Variants in TEC observed in about 807,000 individuals in gnomAD.
TEC encodes tyrosine-protein kinase Tec.
A neutral mutation model predicts 93.0 loss-of-function variants in TEC; 72 were observed. The ratio of observed to expected loss-of-function variants is 0.77; its 90% CI spans 0.64 to 0.94. TEC has a LOEUF of 0.94. Among genes scored for constraint, TEC ranks in the 40% least tolerant of loss-of-function variants. The pLI, the probability that TEC is intolerant of heterozygous loss-of-function variation, is 0.00. For synonymous variants in TEC, 249 were observed against 247.7 expected, an observed-to-expected ratio of 1.01 and a Z score of -0.05; for missense variants, 630 against 757.9, an observed-to-expected ratio of 0.83 and a Z score of 1.98.
At chr4:48,230,099 T>TAATAATA (rs1723603294) in intron 1 of TEC, among the ~76,000 whole-genome samples, 1 of 137,836 alleles carries the variant, frequency 7.3e-6, no homozygotes, top group African/African-American at 2.8e-5. Flanking sequence ...ATAATAATAA[T>TAATAATA]AATAAATAAA....
intron 1 of TEC, among the ~76,000 whole-genome samples, chr4:48,266,422 A>G (rs1215588594): frequency 6.6e-6 from 1 of 152,226 alleles, no homozygotes; most frequent in African/African-American, 2.4e-5. Flanking sequence ...TTCTTGAGGA[A>G]AACGAAATTG....
chr4:48,185,249 A>C (rs1369502320), intron 2 of TEC, among the ~76,000 whole-genome samples: 1 of 152,228 alleles, frequency 6.6e-6, no homozygotes, highest in Admixed American at 6.5e-5. Context: ...TGACCCTAAA[A>C]GGCCTATTCT....
intron 2 of TEC, 81 bp downstream of exon 2, chr4:48,228,396 A>T: frequency 4.3e-6 from 6 of 1,406,608 alleles, no homozygotes; most frequent in Non-Finnish European, 5.6e-6. Context: ...AAGCATTTTC[A>T]ATAAGATTGG....
At position 48,156,687 on chromosome 4, in the gene TEC, C is replaced by A. The variant is rs137884397; in HGVS notation, c.785G>T (p.Arg262Leu). The change falls in exon 9 of 18, where the codon CGC becomes CTC. Residue 262 changes from arginine to leucine, a missense_variant. By Grantham distance (102) the Arg-to-Leu change is moderately radical. Transcript: ENST00000381501. The part of the protein sequence containing the change: ...MNRSKAEQLL[R>L]SEDKEGGFMV... Reference sequence around the variant, plus strand: ...ACAAGTACAAACACTTACTTCACTGCGGAGGAGTTGCTCTGCCTTGCTTCT... The same window carrying A: ...ACAAGTACAAACACTTACTTCACTGAGGAGGAGTTGCTCTGCCTTGCTTCT... 1.9e-6 allele frequency: 3 copies of A among 1,611,274 alleles called. No homozygotes were observed. The highest frequency in any genetic ancestry group is 2.5e-6 in the Non-Finnish European group (3 of 1,179,202).
intron 11 of TEC, among the ~76,000 whole-genome samples, chr4:48,148,881 A>G (rs1219373412): frequency 1.3e-5 from 2 of 151,972 alleles, no homozygotes; most frequent in Non-Finnish European, 2.9e-5. Context: ...GTGTCCATGT[A>G]TTCCTATTAT....
intron 2 of TEC, among the ~76,000 whole-genome samples, chr4:48,209,228 A>C (rs1270113453): frequency 6.6e-6 from 1 of 152,136 alleles, no homozygotes; most frequent in African/African-American, 2.4e-5. Context: ...ATTTGGATTA[A>C]ATTCAGTAGA....
intron 2 of TEC, among the ~76,000 whole-genome samples, chr4:48,176,965 T>A (rs893843636): frequency 6.6e-6 from 1 of 152,186 alleles, no homozygotes; most frequent in African/African-American, 2.4e-5. Flanking sequence ...GAGAGTTATG[T>A]GAGGTGGACT....
chr4:48,137,878 C>A (rs1484548267), intron 17 of TEC, among the ~76,000 whole-genome samples: 4 of 152,226 alleles, frequency 2.6e-5, no homozygotes. Flanking sequence ...ACTGTCTCCA[C>A]TGTTGTGCAC....
rs201108480 is a variant in TEC, at chr4:48,137,518, G to C, written c.1813-19C>G. 6.2e-7 allele frequency: 1 copy of C among 1,610,126 alleles called. No individual in the cohort carries two copies. Among genetic ancestry groups the C allele is most frequent in the African/African-American group, 1.3e-5 (1 of 74,800 alleles). ...CTGGTTTCTACAATTAAAAGTCAAA[G>C]AGAAGCTGTGGGTTCCAGAATCCAT... On this transcript the variant is annotated intron_variant, in intron 17 of 17. Coordinates refer to ENST00000381501, the MANE Select transcript of TEC (RefSeq NM_003215.3).
rs559029868 is a variant in TEC at position 48,138,000 on chromosome 4, G to A, written c.1813-501C>T. On this transcript the variant is annotated intron_variant, in intron 17 of 17. Coordinates refer to ENST00000381501, the MANE Select transcript of TEC (RefSeq NM_003215.3). ...TCCCAATCAATGCTCTTGGGAGGCA[G>A]TACAGCAAGTGGTTGAGACTCTGGG... is the stretch of plus-strand genomic sequence containing the variant. Among the ~76,000 whole-genome samples, 9 of 152,288 alleles carry A rather than the reference G, an allele frequency of 5.9e-5. No individual in the cohort carries two copies. The South Asian group carries it at 1.9e-3, about 32-fold the overall frequency.
intron 2 of TEC, among the ~76,000 whole-genome samples, chr4:48,188,037 G>GC (rs1424007519): frequency 4.6e-5 from 7 of 152,070 alleles, no homozygotes; most frequent in African/African-American, 1.7e-4. Context: ...TCTAGCCAAG[G>GC]GGGGCATGGA....
At chr4:48,171,703 T>C (rs1055985063) in intron 3 of TEC, among the ~76,000 whole-genome samples, 4 of 152,248 alleles carry the variant, frequency 2.6e-5, no homozygotes, top group African/African-American at 9.6e-5. Context: ...GGATACTTCA[T>C]TAATCTCAGT....
At chr4:48,234,841 GA>G (rs1278135644) in intron 1 of TEC, among the ~76,000 whole-genome samples, 4 of 152,132 alleles carry the variant, frequency 2.6e-5, no homozygotes, top group African/African-American at 9.7e-5. Flanking sequence ...CAGAGGAGAA[GA>G]AGGAGGAAAC....
chr4:48,245,911 G>C lies in TEC; in HGVS notation c.-45-17252C>G, dbSNP rs147920332. Among the ~76,000 whole-genome samples, 11 of 152,200 alleles carry C rather than the reference G, an allele frequency of 7.2e-5. No individual in the cohort carries two copies. In the East Asian group the frequency reaches 2.1e-3, roughly 29 times the overall value. On this transcript the variant is annotated intron_variant, in intron 1 of 17. Coordinates refer to ENST00000381501, the MANE Select transcript of TEC (RefSeq NM_003215.3). ...AGATCACTTGAGATCAGGAGTTTGA[G>C]ACCGGCCTGACCAGCATGGTGAAAC... is the stretch of plus-strand genomic sequence containing the variant.
At chr4:48,223,404 A>C (rs1723329501) in intron 2 of TEC, among the ~76,000 whole-genome samples, 1 of 152,140 alleles carries the variant, frequency 6.6e-6, no homozygotes, top group Non-Finnish European at 1.5e-5. Flanking sequence ...AGATTATTTC[A>C]AAGATAGGCT....
chr4:48,175,727 A>G (rs7695902), intron 3 of TEC, among the ~76,000 whole-genome samples: 57,546 of 151,862 alleles, frequency 0.38, 11,930 homozygotes, highest in East Asian at 0.9. Context: ...CATTGTCGGG[A>G]AAAAAAATAA....
At chr4:48,238,043 C>T (rs1723831290) in intron 1 of TEC, among the ~76,000 whole-genome samples, 1 of 152,152 alleles carries the variant, frequency 6.6e-6, no homozygotes, top group Admixed American at 6.5e-5. Context: ...GCAATATATA[C>T]TCTCAGCTTA....
At chr4:48,188,820 T>C (rs1054488235) in intron 2 of TEC, among the ~76,000 whole-genome samples, 24 of 152,194 alleles carry the variant, frequency 1.6e-4, no homozygotes, top group African/African-American at 5.8e-4. Flanking sequence ...AATGTTTTCT[T>C]ATGATGATGC....
intron 1 of TEC, among the ~76,000 whole-genome samples, chr4:48,265,464 C>CATTATAT (rs201611439): frequency 7.0e-6 from 1 of 142,306 alleles, no homozygotes; most frequent in South Asian, 2.1e-4. Context: ...TACATATATA[C>CATTATAT]ACACACATAT....
Sources: allele counts gnomAD v4.1 joint callset (sites outside exome capture counted in the v4.1 genomes callset), GRCh38; gene constraint gnomAD v4.1.1; transcripts MANE v1.5; gene names NCBI Gene and HGNC (gene_info 2026-07-23, HGNC 2026-07-21).